Variants in UTP4 observed in about 807,000 individuals in gnomAD.
UTP4 encodes the protein UTP4 small subunit processome component.
UTP4 carries 45 observed loss-of-function variants against 82.4 expected under a neutral mutation model. The observed-to-expected ratio is 0.55, with a 90% confidence interval of 0.43 to 0.70. The LOEUF (loss-of-function observed/expected upper bound fraction) is 0.70, where lower values mean the gene tolerates loss of function less well. UTP4 is among the 30% of genes least tolerant of loss of function. The pLI is 0.00. For synonymous variants in UTP4, 348 were observed against 300.3 expected (o/e 1.16, Z -1.64); for missense variants, 819 against 858.3 (o/e 0.95, Z 0.57).
At chr16:69,139,684 A>G in intron 4 of UTP4, 141 bp from the exon 5 acceptor site, 1 of 355,014 alleles carries the variant, frequency 2.8e-6, no homozygotes, top group Non-Finnish European at 5.1e-6. Flanking sequence ...ATAAATAAAT[A>G]AAATGGTGCT....
At position 69,150,625 on chromosome 16, in the gene UTP4, A is replaced by G. The variant is rs1223479005; in HGVS notation, c.827A>G (p.Gln276Arg). 4 of 1,614,128 alleles carry G rather than the reference A, an allele frequency of 2.5e-6. No individual in the cohort carries two copies. The highest frequency in any genetic ancestry group is 3.4e-6 in the Non-Finnish European group (4 of 1,180,050). ...GTGACATCTAACAGCAGTGAGAAGC[A>G]GTGGGTGCGGACAAAACCGTTCCAG... Reference protein sequence around the residue: ...VPVTSNSSEKQWVRTKPFQHH... With the variant: ...VPVTSNSSEKRWVRTKPFQHH... The change falls in exon 7 of 17, where the codon CAG (glutamine) becomes CGG (arginine). Residue 276 changes from glutamine (Q) to arginine (R), a missense_variant. Coordinates refer to ENST00000314423, the MANE Select transcript of UTP4 (RefSeq NM_032830.3).
chr16:69,147,421 C>A (rs915937350), intron 6 of UTP4, among the ~76,000 whole-genome samples: 1 of 151,886 alleles, frequency 6.6e-6, no homozygotes, highest in Non-Finnish European at 1.5e-5. Context: ...AGGAGAATCG[C>A]TTGAACCAGG....
chr16:69,133,443 C>T lies in UTP4; in HGVS notation c.-2-15C>T, dbSNP rs777224876. ...GTTAACATATAGCAATAATGACTCT[C>T]TTTTCGCCCCCTAGGAATGGGTGAA... On this transcript the variant is annotated splice_polypyrimidine_tract_variant and intron_variant, in intron 1 of 16. Transcript: ENST00000314423. The T allele has an allele frequency of 6.2e-7, 1 of 1,613,852 alleles. No individual in the cohort carries two copies.
chr16:69,166,067 C>T (rs547495370), intron 15 of UTP4: 1 of 191,018 alleles, frequency 5.2e-6, no homozygotes, highest in African/African-American at 2.4e-5. Flanking sequence ...CTGTGATTTA[C>T]ATGGGATACG....
intron 13 of UTP4, 55 bp from the exon 14 acceptor site, chr16:69,163,028 T>C: frequency 7.5e-7 from 1 of 1,326,650 alleles, no homozygotes; most frequent in Admixed American, 1.7e-5. Flanking sequence ...ATTCAATCTT[T>C]GCTGAGGAAA....
intron 16 of UTP4, chr16:69,167,672 GATTACTCAA>G (rs1963734581): frequency 6.1e-6 from 1 of 164,794 alleles, no homozygotes; most frequent in African/African-American, 2.4e-5. Context: ...GTAAATTACT[GATTACTCAA>G]ATGACTCAAA....
chr16:69,153,723 A>C, intron 9 of UTP4, 43 bp downstream of exon 9: 2 of 1,320,594 alleles, frequency 1.5e-6, no homozygotes, highest in Non-Finnish European at 2.2e-6. Flanking sequence ...AACTGGAGAG[A>C]GAAGCCAGAA....
intron 14 of UTP4, among the ~76,000 whole-genome samples, chr16:69,163,487 G>T (rs1597153450): frequency 6.6e-6 from 1 of 152,068 alleles, no homozygotes; most frequent in East Asian, 1.9e-4. Flanking sequence ...ATGGGCTTGG[G>T]TATTAAACTG....
At chr16:69,155,195 G>A (rs1011042137) in intron 10 of UTP4, among the ~76,000 whole-genome samples, 1 of 151,878 alleles carries the variant, frequency 6.6e-6, no homozygotes, top group South Asian at 2.1e-4. Flanking sequence ...CTTTTTTGAG[G>A]CAGGGTCTCA....
chr16:69,141,627 T>G (rs1962961113), intron 5 of UTP4, among the ~76,000 whole-genome samples: 1 of 152,068 alleles, frequency 6.6e-6, no homozygotes, highest in Non-Finnish European at 1.5e-5. Flanking sequence ...CCTTCAGTTC[T>G]GGGGGGAAAT....
At chr16:69,148,912 T>C (rs1432281119) in intron 6 of UTP4, among the ~76,000 whole-genome samples, 2 of 152,204 alleles carry the variant, frequency 1.3e-5, no homozygotes, top group Non-Finnish European at 2.9e-5. Flanking sequence ...TTACTACTCT[T>C]GTTTGGGTTT....
intron 6 of UTP4, among the ~76,000 whole-genome samples, chr16:69,148,754 A>G (rs1159111199): frequency 6.6e-6 from 1 of 151,856 alleles, no homozygotes; most frequent in Non-Finnish European, 1.5e-5. Flanking sequence ...GACTACAGGC[A>G]TGCACCACCA....
chr16:69,134,919 T>C (rs931843119), intron 2 of UTP4, among the ~76,000 whole-genome samples: 1 of 151,686 alleles, frequency 6.6e-6, no homozygotes, highest in African/African-American at 2.4e-5. Flanking sequence ...ACTCCTGACC[T>C]CAAGTGATCT....
At chr16:69,164,483 T>A (rs1382920575) in intron 14 of UTP4, among the ~76,000 whole-genome samples, 1 of 151,546 alleles carries the variant, frequency 6.6e-6, no homozygotes. Flanking sequence ...TCTCACACAT[T>A]GTGTAAATTA....
In UTP4 at chr16:69,155,940, C is replaced by T. The variant is rs367680748; in HGVS notation, c.1234C>T (p.Arg412Trp). ...GSWIAYSTVS[R>W]FFLYRLNYEH... ...TTGGATAGCCTATTCTACAGTTTCT[C>T]GGTTTTTTCTCTATCGGCTGAATTA... Residue 412 changes from arginine (R) to tryptophan (W), a missense_variant, in exon 11 of 17, where the codon CGG becomes TGG. Coordinates refer to ENST00000314423, the MANE Select transcript of UTP4 (RefSeq NM_032830.3). 2.1e-5 allele frequency: 34 copies of T among 1,613,856 alleles called. No homozygotes were observed. Among genetic ancestry groups the T allele is most frequent in the African/African-American group, 5.3e-5 (4 of 74,866 alleles).
intron 10 of UTP4, among the ~76,000 whole-genome samples, chr16:69,154,703 C>CA (rs1567376858): frequency 1.8e-4 from 25 of 136,226 alleles, no homozygotes; most frequent in African/African-American, 5.9e-4. Context: ...AAATAATGTG[C>CA]TTTTATTTAT....
intron 6 of UTP4, among the ~76,000 whole-genome samples, chr16:69,146,952 C>T (rs922651658): frequency 8.4e-5 from 12 of 143,428 alleles, no homozygotes; most frequent in South Asian, 2.2e-4. Context: ...GCATTGAGTG[C>T]GATCGCGCCA....
chr16:69,137,767 G>T (rs1962848955), intron 3 of UTP4, 34 bp from the exon 4 acceptor site: 4 of 1,260,816 alleles, frequency 3.2e-6, no homozygotes, highest in South Asian at 1.2e-5. Flanking sequence ...GTTTACTATT[G>T]ATTTTTTCTG....
intron 15 of UTP4, 38 bp from the exon 16 acceptor site, chr16:69,167,037 A>G (rs1963719147): frequency 1.4e-6 from 2 of 1,440,968 alleles, no homozygotes; most frequent in Non-Finnish European, 2.0e-6. Context: ...AAGCCCAATA[A>G]AAGTAACCAT....
Sources: allele counts gnomAD v4.1 joint callset (sites outside exome capture counted in the v4.1 genomes callset), GRCh38; gene constraint gnomAD v4.1.1; transcripts MANE v1.5; gene names NCBI Gene and HGNC (gene_info 2026-07-23, HGNC 2026-07-21).